The following OSBPL10 variants were observed in gnomAD, a reference collection of about 807,000 sequenced individuals.
OSBPL10 encodes the protein oxysterol-binding protein-related protein 10.
In OSBPL10, 49 loss-of-function variants were observed where a neutral mutation model predicts 81.7. The observed-to-expected ratio is 0.60, with a 90% CI of 0.48 to 0.76. The LOEUF (loss-of-function observed/expected upper bound fraction) is 0.76. OSBPL10 is among the 30% of genes least tolerant of loss of function. OSBPL10 has a pLI of 0.00. For missense variants in OSBPL10, 923 were observed against 987.8 expected, an observed-to-expected ratio of 0.93 and a Z score of 0.88; for synonymous variants, 419 against 383.6, an observed-to-expected ratio of 1.09 and a Z score of -1.08.
chr3:31,996,361 C>A (rs1004709298), intron 2 of OSBPL10, among the ~76,000 whole-genome samples: 1 of 152,156 alleles, frequency 6.6e-6, no homozygotes. Flanking sequence ...ACTCTCCCCC[C>A]CGTGCAAGGG....
intron 1 of OSBPL10, among the ~76,000 whole-genome samples, chr3:31,894,107 T>A (rs755984838): frequency 8.5e-5 from 13 of 152,214 alleles, no homozygotes; most frequent in Non-Finnish European, 1.8e-4. Flanking sequence ...CAAGATTTGA[T>A]GAGGCAGGAA....
intron 3 of OSBPL10, among the ~76,000 whole-genome samples, chr3:31,842,611 CTT>C (rs936933226): frequency 2.0e-4 from 30 of 152,318 alleles, no homozygotes; most frequent in African/African-American, 7.0e-4. Flanking sequence ...AAATTAAACT[CTT>C]ATCACTCCTT....
intron 1 of OSBPL10, among the ~76,000 whole-genome samples, chr3:31,885,516 A>G (rs1439064207): frequency 6.6e-6 from 1 of 152,146 alleles, no homozygotes; most frequent in Non-Finnish European, 1.5e-5. Flanking sequence ...CTGTCTGCAC[A>G]GGTACCCATT....
chr3:31,777,196 G>A (rs1177910217), intron 4 of OSBPL10, among the ~76,000 whole-genome samples: 1 of 152,206 alleles, frequency 6.6e-6, no homozygotes, highest in Admixed American at 6.5e-5. Flanking sequence ...CACATCAGAT[G>A]ACATGCCCCT....
At chr3:31,985,644 A>T (rs935178741), upstream of OSBPL10, among the ~76,000 whole-genome samples, 2 of 152,224 alleles carry the variant, frequency 1.3e-5, no homozygotes, top group Admixed American at 1.3e-4. Context: ...CATTGGCCAG[A>T]TGACAGGAAT....
intron 1 of OSBPL10, among the ~76,000 whole-genome samples, chr3:31,889,105 A>T (rs1423133301): frequency 2.6e-5 from 4 of 152,216 alleles, no homozygotes; most frequent in Admixed American, 2.0e-4. Flanking sequence ...ATGAGGAATC[A>T]TCTAACCCCA....
intron 4 of OSBPL10, among the ~76,000 whole-genome samples, chr3:31,770,147 G>A (rs1439517272): frequency 6.6e-6 from 1 of 152,156 alleles, no homozygotes; most frequent in African/African-American, 2.4e-5. Flanking sequence ...TACTGATACA[G>A]ATAAAGAGAA....
intron 4 of OSBPL10, among the ~76,000 whole-genome samples, chr3:31,821,075 TA>T (rs1180501980): frequency 2.6e-5 from 4 of 152,096 alleles, no homozygotes; most frequent in African/African-American, 9.7e-5. Flanking sequence ...GGTGAGAGAA[TA>T]AACTGAGAGT....
chr3:31,857,135 GAGA>G (rs1280562518), intron 3 of OSBPL10, among the ~76,000 whole-genome samples: 2 of 152,120 alleles, frequency 1.3e-5, no homozygotes, highest in African/African-American at 4.8e-5. Flanking sequence ...TCTGCAGATG[GAGA>G]AGCTCTGCTT....
chr3:31,691,297 C>T (rs138610818), intron 7 of OSBPL10, among the ~76,000 whole-genome samples: 9 of 152,150 alleles, frequency 5.9e-5, no homozygotes, highest in African/African-American at 1.9e-4. Context: ...CTTAGAAATC[C>T]GAAATAAACA....
intron 1 of OSBPL10, among the ~76,000 whole-genome samples, chr3:32,051,739 C>T (rs183354162): frequency 1.3e-5 from 2 of 152,252 alleles, no homozygotes; most frequent in African/African-American, 2.4e-5. Context: ...AACTAAAAAA[C>T]TGGCAAATGA....
chr3:31,757,236 A>G (rs770877771), intron 4 of OSBPL10, among the ~76,000 whole-genome samples: 5 of 152,200 alleles, frequency 3.3e-5, no homozygotes, highest in Non-Finnish European at 7.3e-5. Context: ...GGTTCTCTAT[A>G]AAGGGAATCA....
At chr3:32,055,843 G>A (rs1699706610) in intron 1 of OSBPL10, among the ~76,000 whole-genome samples, 1 of 152,128 alleles carries the variant, frequency 6.6e-6, no homozygotes, top group Non-Finnish European at 1.5e-5. Context: ...ACAGGCCCAG[G>A]AGCCCCAAGT....
intron 2 of OSBPL10, among the ~76,000 whole-genome samples, chr3:32,020,705 A>G (rs1361067086): frequency 2.6e-5 from 4 of 152,116 alleles, no homozygotes; most frequent in Non-Finnish European, 5.9e-5. Context: ...AATGAAAAAC[A>G]TCTCCAGGAG....
chr3:31,682,340 G>A (rs1700673068), intron 8 of OSBPL10, among the ~76,000 whole-genome samples: 1 of 152,176 alleles, frequency 6.6e-6, no homozygotes, highest in Non-Finnish European at 1.5e-5. Context: ...AAGAGCCAGT[G>A]TCCCTAGCAA....
At chr3:32,057,553 G>A (rs368207902) in intron 1 of OSBPL10, among the ~76,000 whole-genome samples, 53 of 152,240 alleles carry the variant, frequency 3.5e-4, no homozygotes, top group African/African-American at 1.3e-3. Context: ...CTTCTTAACA[G>A]GGCAGCAGGA....
intron 1 of OSBPL10, among the ~76,000 whole-genome samples, chr3:31,974,887 CAGTT>C (rs779180533): frequency 6.2e-4 from 94 of 152,290 alleles, no homozygotes; most frequent in Non-Finnish European, 9.3e-4. Flanking sequence ...TCGCAAAACT[CAGTT>C]AGACAGATGA....
At chr3:31,747,770 A>G in intron 5 of OSBPL10, 140 bp downstream of exon 5, 3 of 845,156 alleles carry the variant, frequency 3.5e-6, no homozygotes, top group African/African-American at 1.7e-5. Context: ...AGTAGAGACG[A>G]AGGGCAGTAG....
intron 5 of OSBPL10, among the ~76,000 whole-genome samples, chr3:31,733,780 G>A (rs1025143618): frequency 2.7e-5 from 4 of 148,734 alleles, no homozygotes; most frequent in East Asian, 2.0e-4. Context: ...TTGGGAGGCC[G>A]AGGCGGGTAG....
Sources: gnomAD v4.1 joint callset for allele counts (sites outside exome capture counted in the v4.1 genomes callset) on GRCh38, gnomAD v4.1.1 for gene constraint, MANE v1.5 for transcripts, NCBI Gene and HGNC (gene_info 2026-07-23, HGNC 2026-07-21) for gene names.